Variants in POLR2F observed in about 807,000 individuals in gnomAD.
The protein encoded by POLR2F is RNA polymerase II, I and III subunit F.
A neutral mutation model predicts 22.7 loss-of-function variants in POLR2F; 12 were observed. The observed-to-expected ratio is 0.53, with a 90% CI of 0.34 to 0.86. POLR2F has a LOEUF of 0.86. Ranked by LOEUF, POLR2F falls within the 40% of genes least tolerant of loss-of-function variation. The probability of loss-of-function intolerance (pLI) is 0.02; values close to 1 mark genes in which losing one functional copy is unlikely to be tolerated. For missense variants in POLR2F, 126 were observed against 171.5 expected (o/e 0.73, Z 1.48); for synonymous variants, 57 against 66.0 (o/e 0.86, Z 0.66).
chr22:37,994,261 C>T (rs532231531), intron 1 of POLR2F, among the ~76,000 whole-genome samples: 1 of 152,288 alleles, frequency 6.6e-6, no homozygotes, highest in South Asian at 2.1e-4. Flanking sequence ...AGTATAATAT[C>T]TGCTAGGCTG....
upstream of POLR2F, among the ~76,000 whole-genome samples, chr22:37,982,524 G>A (rs370277531): frequency 5.1e-4 from 77 of 152,292 alleles, 3 homozygotes; most frequent in South Asian, 0.016. Context: ...TGGTCCCAGG[G>A]AACCTGGGAC....
rs571724988 is a variant in POLR2F, at chr22:38,014,355, T to TTA, written c.121-11513_121-11512insAT. On this transcript the variant is annotated intron_variant, in intron 1 of 2. Coordinates refer to the POLR2F transcript ENST00000333418. Reference sequence around the variant, plus strand: ...CTCTGGCTAGGACTTATTTTTTTTATTTTTTTTTTTTTGAGACAGAGTCTC... The same window carrying TTA: ...CTCTGGCTAGGACTTATTTTTTTTATTATTTTTTTTTTTTGAGACAGAGTCTC... Among the ~76,000 whole-genome samples the TTA allele has an allele frequency of 2.9e-3, 423 of 143,912 alleles. 1 individual carries two copies. Among genetic ancestry groups the TTA allele is most frequent in the African/African-American group, 0.01 (401 of 39,306 alleles). The allele number at this position is 143,912 out of a possible 152,430, so 94.4% of individuals were successfully genotyped here. A position where few individuals can be genotyped will look rare whatever the true frequency, so the allele number is the denominator to read the frequency against.
At position 37,978,179 on chromosome 22, in the gene POLR2F, G is replaced by A. The variant is rs1389607029; in HGVS notation, c.293+11009G>A. The stretch of plus-strand genomic sequence containing the variant: ...CGGAGAGGACAGCAGAGGGGCTGGC[G>A]TGAATGCCAGAGCACTCCAGGTTGG... On this transcript the variant is annotated intron_variant, in intron 4 of 4. Transcript: ENST00000405557. This position sits in a 1 kb window ranked among gnomAD's most constrained non-coding sequence, Gnocchi z 5.0. The A allele has an allele frequency of 6.7e-6, 10 of 1,485,028 alleles. No homozygotes were observed. Among genetic ancestry groups the A allele is most frequent in the South Asian group, 4.0e-5 (3 of 75,108 alleles). The allele number at this position is 1,485,028 out of a possible 1,614,324, so 92.0% of individuals were successfully genotyped here.
At chr22:37,964,667 G>T (rs1302790408) in intron 3 of POLR2F, among the ~76,000 whole-genome samples, 1 of 151,592 alleles carries the variant, frequency 6.6e-6, no homozygotes, top group Admixed American at 6.6e-5. Flanking sequence ...TGCCTCCTGG[G>T]TTCAAGGAAT....
At chr22:38,007,718 C>G (rs2084834912) in intron 1 of POLR2F, among the ~76,000 whole-genome samples, 1 of 152,230 alleles carries the variant, frequency 6.6e-6, no homozygotes, top group Non-Finnish European at 1.5e-5. Context: ...TCCGCAAAGA[C>G]TTGCTGAATT....
At chr22:37,957,354 G>T (rs1601863091) in intron 2 of POLR2F, among the ~76,000 whole-genome samples, 1 of 152,196 alleles carries the variant, frequency 6.6e-6, no homozygotes, top group Non-Finnish European at 1.5e-5. Context: ...GAGGCCTGTG[G>T]CTTGGACATA....
intron 1 of POLR2F, among the ~76,000 whole-genome samples, chr22:38,007,106 T>C (rs988817033): frequency 4.0e-5 from 6 of 149,356 alleles, no homozygotes; most frequent in African/African-American, 1.5e-4. Context: ...AGCTGCAGAG[T>C]GGGAACATGA....
At chr22:38,020,431 ATTT>A (rs753386178) in intron 1 of POLR2F, among the ~76,000 whole-genome samples, 5 of 128,464 alleles carry the variant, frequency 3.9e-5, no homozygotes, top group South Asian at 4.9e-4. Flanking sequence ...CACCTGGCTA[ATTT>A]TTTTTTTTTT....
intron 3 of POLR2F, among the ~76,000 whole-genome samples, chr22:37,964,908 C>T (rs1931794521): frequency 6.6e-6 from 1 of 151,850 alleles, no homozygotes; most frequent in South Asian, 2.1e-4. Flanking sequence ...AAAGCTTGAT[C>T]CAGCTCATTC....
chr22:38,039,497 C>T (rs1054964612), intron 5 of POLR2F, among the ~76,000 whole-genome samples: 4 of 152,204 alleles, frequency 2.6e-5, no homozygotes, highest in Non-Finnish European at 5.9e-5. Flanking sequence ...GGCAGATCCT[C>T]TCTTCCCAGG....
intron 5 of POLR2F, among the ~76,000 whole-genome samples, chr22:38,035,765 C>T (rs998679926): frequency 2.3e-4 from 35 of 152,284 alleles, no homozygotes; most frequent in Admixed American, 7.2e-4. Flanking sequence ...CTGGCGGGAG[C>T]GGGTGGGAGG....
intron 3 of POLR2F, among the ~76,000 whole-genome samples, chr22:37,960,833 G>A (rs894668848): frequency 1.5e-4 from 23 of 148,536 alleles, no homozygotes; most frequent in African/African-American, 5.2e-4. Context: ...GTGCCCGGCC[G>A]GTGCAATTTT....
intron 1 of POLR2F, among the ~76,000 whole-genome samples, chr22:37,989,910 C>G (rs1329755814): frequency 6.6e-6 from 1 of 152,226 alleles, no homozygotes; most frequent in Non-Finnish European, 1.5e-5. Flanking sequence ...CTAGGCACTG[C>G]TGCAGCCCCA....
Position 37,967,901 on chromosome 22 carries a change from G to A in POLR2F, c.*186G>A, listed in dbSNP as rs1931922644. On this transcript the variant is annotated 3_prime_UTR_variant, in exon 5 of 5. Coordinates refer to ENST00000442738, the MANE Select transcript of POLR2F (RefSeq NM_021974.5). ...CACCTATTCCAGTGGCCCTGTGACT[G>A]TCAGCTCCTTAAGAAGCACCAGGGG... The A allele has an allele frequency of 2.3e-6, 3 of 1,328,974 alleles. No homozygotes were observed. The highest frequency in any genetic ancestry group is 1.5e-5 in the African/African-American group (1 of 66,276). 82.3% of individuals were successfully genotyped at this position (1,328,974 alleles called of 1,614,324 possible).
chr22:37,980,912 A>AC lies in POLR2F; in HGVS notation c.293+13747dup, dbSNP rs2043913586. On this transcript the variant is annotated intron_variant, in intron 4 of 4. Transcript: ENST00000405557. The surrounding 1 kb of genome is among the most constrained non-coding windows in gnomAD (Gnocchi z 4.1). The stretch of plus-strand genomic sequence containing the variant: ...TGGCACTGGGAACAGAGGCTGGGTG[A>AC]CCCCCACCACACAGGAGGGACTCTT... 6.6e-6 allele frequency among the ~76,000 whole-genome samples: 1 copy of AC among 151,736 alleles called. No individual in the cohort carries two copies. The highest frequency in any genetic ancestry group is 6.6e-5 in the Admixed American group (1 of 15,218).
At chr22:37,976,856 C>T (rs548866663) in intron 4 of POLR2F, among the ~76,000 whole-genome samples, 1 of 152,242 alleles carries the variant, frequency 6.6e-6, no homozygotes, top group South Asian at 2.1e-4. Flanking sequence ...TAGCTTATGT[C>T]TGGCCCATCC....
chr22:38,029,704 C>G (rs1230431800), downstream of POLR2F, among the ~76,000 whole-genome samples: 2 of 152,070 alleles, frequency 1.3e-5, no homozygotes, highest in African/African-American at 2.4e-5. Flanking sequence ...CCATTAACAC[C>G]CCATCATCTG....
chr22:38,010,859 C>T (rs1046536991), intron 1 of POLR2F, among the ~76,000 whole-genome samples: 3 of 152,024 alleles, frequency 2.0e-5, no homozygotes, highest in Non-Finnish European at 2.9e-5. Context: ...TCAGGTGATC[C>T]GCCTGTCTTG....
intron 1 of POLR2F, among the ~76,000 whole-genome samples, chr22:37,954,991 G>A (rs1440571429): frequency 6.6e-6 from 1 of 152,114 alleles, no homozygotes; most frequent in East Asian, 1.9e-4. Flanking sequence ...ATGAGAAGGA[G>A]AGTTGGCCAT....
Sources: gnomAD v4.1 joint callset for allele counts (sites outside exome capture counted in the v4.1 genomes callset) on GRCh38, gnomAD v4.1.1 for gene constraint, Gnocchi (gnomAD v3.1) non-coding constraint, MANE v1.5 for transcripts, NCBI Gene and HGNC (gene_info 2026-07-23, HGNC 2026-07-21) for gene names.